Variants in ASTN2 observed in about 807,000 individuals in gnomAD.
The protein encoded by ASTN2 is astrotactin-2.
ASTN2 carries 54 observed loss-of-function variants against 139.8 expected under a neutral mutation model. The observed-to-expected ratio is 0.39, with a 90% CI of 0.31 to 0.48. The LOEUF is 0.48. Among genes scored for constraint, ASTN2 ranks in the 20% least tolerant of loss-of-function variants. The pLI, the probability that ASTN2 is intolerant of heterozygous loss-of-function variation, is 0.95. For synonymous variants in ASTN2, 756 were observed against 719.5 expected (o/e 1.05, Z -0.81); for missense variants, 1,565 against 1,725.1 (o/e 0.91, Z 1.64).
intron 6 of ASTN2, among the ~76,000 whole-genome samples, chr9:117,037,605 G>A (rs1295349873): frequency 6.6e-6 from 1 of 152,142 alleles, no homozygotes; most frequent in Non-Finnish European, 1.5e-5. Flanking sequence ...TTCATCTTGA[G>A]CAAGTTATTT....
intron 2 of ASTN2, among the ~76,000 whole-genome samples, chr9:117,271,888 G>T (rs1321439285): frequency 1.3e-5 from 2 of 152,178 alleles, no homozygotes; most frequent in African/African-American, 4.8e-5. Context: ...TTAATGGGCT[G>T]CCATTGAGTG....
intron 5 of ASTN2, among the ~76,000 whole-genome samples, chr9:117,054,139 C>A (rs898811669): frequency 6.6e-6 from 1 of 152,106 alleles, no homozygotes; most frequent in Non-Finnish European, 1.5e-5. Context: ...TGGTCTAAAC[C>A]TTTCAAGCCT....
intron 4 of ASTN2, among the ~76,000 whole-genome samples, chr9:117,137,833 C>T (rs772623140): frequency 4.6e-5 from 7 of 151,964 alleles, no homozygotes; most frequent in Non-Finnish European, 1.0e-4. Flanking sequence ...AAATTGTATC[C>T]CATGGTAGCA....
intron 20 of ASTN2, among the ~76,000 whole-genome samples, chr9:116,448,102 G>A (rs1294032622): frequency 5.3e-5 from 8 of 152,266 alleles, no homozygotes; most frequent in South Asian, 2.1e-4. Flanking sequence ...CCAGGCCAAC[G>A]CCTGCTCTTC....
At chr9:116,453,319 C>A (rs376189918) in intron 20 of ASTN2, among the ~76,000 whole-genome samples, 1 of 152,072 alleles carries the variant, frequency 6.6e-6, no homozygotes, top group African/African-American at 2.4e-5. Flanking sequence ...TAGCGCTGGG[C>A]GTGGTGGCTC....
At chr9:117,242,914 T>C (rs10739486) in intron 2 of ASTN2, among the ~76,000 whole-genome samples, 81,144 of 152,178 alleles carry the variant, frequency 0.53, 25,003 homozygotes, top group East Asian at 0.77. Flanking sequence ...CCAGTTTGCT[T>C]GTTGATTCCT....
intron 6 of ASTN2, among the ~76,000 whole-genome samples, chr9:117,035,414 C>T (rs1201298471): frequency 6.6e-6 from 1 of 152,110 alleles, no homozygotes; most frequent in Non-Finnish European, 1.5e-5. Context: ...AATATCAATG[C>T]TAACGGATGA....
intron 10 of ASTN2, among the ~76,000 whole-genome samples, chr9:116,938,077 A>C (rs1403491704): frequency 6.6e-6 from 1 of 152,208 alleles, no homozygotes; most frequent in Admixed American, 6.5e-5. Flanking sequence ...TCCTTTGTTC[A>C]ATCATGCAGT....
intron 6 of ASTN2, among the ~76,000 whole-genome samples, chr9:117,010,614 A>AT (rs1837498623): frequency 6.6e-6 from 1 of 152,218 alleles, no homozygotes; most frequent in Non-Finnish European, 1.5e-5. Flanking sequence ...CCCTTTTCAT[A>AT]GCTTGATATA....
At chr9:116,893,601 T>C (rs1833815323) in intron 10 of ASTN2, among the ~76,000 whole-genome samples, 1 of 152,180 alleles carries the variant, frequency 6.6e-6, no homozygotes, top group South Asian at 2.1e-4. Context: ...AATACGATGA[T>C]GTGTCAGGGT....
At chr9:116,634,373 G>A (rs969987633) in intron 17 of ASTN2, among the ~76,000 whole-genome samples, 6 of 151,726 alleles carry the variant, frequency 4.0e-5, no homozygotes, top group South Asian at 2.1e-4. Flanking sequence ...GGCGGATCAC[G>A]AGGTCAGGAG....
At chr9:116,753,350 A>G (rs1255929334) in intron 13 of ASTN2, among the ~76,000 whole-genome samples, 1 of 152,208 alleles carries the variant, frequency 6.6e-6, no homozygotes, top group African/African-American at 2.4e-5. Flanking sequence ...GAGTTCAGGG[A>G]GAGAGGCAGA....
Position 117,399,218 on chromosome 9 carries a change from A to G in ASTN2, c.442+15279T>C, listed in dbSNP as rs76614581. 3.1e-3 allele frequency among the ~76,000 whole-genome samples: 468 copies of G among 152,336 alleles called. 1 individual carries two copies. The highest frequency in any genetic ancestry group is 9.0e-3 in the African/African-American group (374 of 41,580). On this transcript the variant is annotated intron_variant, in intron 1 of 22. Coordinates refer to ENST00000313400, the MANE Select transcript of ASTN2 (RefSeq NM_001365068.1). Reference sequence around the variant, plus strand: ...AAGAAAGGCCGACATGCAATCAACAATATTTCTATGAAAATACTGACTGCA... The same window carrying G: ...AAGAAAGGCCGACATGCAATCAACAGTATTTCTATGAAAATACTGACTGCA...
At chr9:116,775,109 G>A (rs934179523) in intron 13 of ASTN2, among the ~76,000 whole-genome samples, 17 of 152,186 alleles carry the variant, frequency 1.1e-4, no homozygotes, top group East Asian at 7.8e-4. Context: ...AATGGAATGG[G>A]ATTCAGGTCG....
intron 19 of ASTN2, among the ~76,000 whole-genome samples, chr9:116,548,673 C>A (rs1452184306): frequency 2.0e-5 from 3 of 152,106 alleles, no homozygotes; most frequent in Admixed American, 6.5e-5. Flanking sequence ...GGGGTTTCAC[C>A]ATGTTGGCCA....
At position 116,699,376 on chromosome 9, in the gene ASTN2, A is replaced by T; in HGVS notation, c.2806+26395T>A. 6.2e-7 allele frequency: 1 copy of T among 1,614,148 alleles called. No individual in the cohort carries two copies. Among genetic ancestry groups the T allele is most frequent in the Non-Finnish European group, 8.5e-7 (1 of 1,180,032 alleles). On this transcript the variant is annotated intron_variant, in intron 16 of 22. Coordinates refer to ENST00000313400, the MANE Select transcript of ASTN2 (RefSeq NM_001365068.1). This position sits in a 1 kb window ranked among gnomAD's most constrained non-coding sequence, Gnocchi z 4.2. The stretch of plus-strand genomic sequence containing the variant: ...CTGGAGAATCGGCAGAATGAGCACC[A>T]CCTGGAGGGTGGCTTTTCCATTGGC...
At chr9:117,412,256 A>T (rs913821497) in intron 1 of ASTN2, among the ~76,000 whole-genome samples, 1 of 152,060 alleles carries the variant, frequency 6.6e-6, no homozygotes, top group African/African-American at 2.4e-5. Flanking sequence ...GCAAGAACCC[A>T]ATCCCCCGCA....
At chr9:117,368,864 A>C (rs1411638904) in intron 1 of ASTN2, among the ~76,000 whole-genome samples, 1 of 152,216 alleles carries the variant, frequency 6.6e-6, no homozygotes, top group Non-Finnish European at 1.5e-5. Flanking sequence ...CACAGTATGA[A>C]GAACAATCAT....
At chr9:116,855,564 T>C (rs1832718799) in intron 11 of ASTN2, among the ~76,000 whole-genome samples, 1 of 152,208 alleles carries the variant, frequency 6.6e-6, no homozygotes, top group Non-Finnish European at 1.5e-5. Context: ...ATACTGGACA[T>C]TGATAGAGGG....
Sources: allele counts gnomAD v4.1 joint callset (sites outside exome capture counted in the v4.1 genomes callset), GRCh38; gene constraint gnomAD v4.1.1; non-coding constraint Gnocchi (gnomAD v3.1); transcripts MANE v1.5; gene names NCBI Gene and HGNC (gene_info 2026-07-23, HGNC 2026-07-21).